Variants in GOLGB1 observed in about 807,000 individuals in gnomAD.
GOLGB1 encodes the protein golgin subfamily B member 1.
A neutral mutation model predicts 336.9 loss-of-function variants in GOLGB1; 174 were observed. The observed-to-expected ratio is 0.52, with a 90% confidence interval of 0.46 to 0.59. The LOEUF (loss-of-function observed/expected upper bound fraction) is 0.59. Among genes scored for constraint, GOLGB1 ranks in the 20% least tolerant of loss-of-function variants. The pLI, the probability that GOLGB1 is intolerant of heterozygous loss-of-function variation, is 0.00. For synonymous variants in GOLGB1, 1,208 were observed against 1,289.2 expected, an observed-to-expected ratio of 0.94 and a Z score of 1.35; for missense variants, 3,331 against 3,645.3, an observed-to-expected ratio of 0.91 and a Z score of 2.22.
intron 10 of GOLGB1, among the ~76,000 whole-genome samples, chr3:121,710,377 T>C (rs1944249791): frequency 6.6e-6 from 1 of 152,070 alleles, no homozygotes; most frequent in South Asian, 2.1e-4. Flanking sequence ...AAAGATATCA[T>C]AAAACAAGAA....
rs748015749 is a variant in GOLGB1 at position 121,695,934 on chromosome 3, C to A, written c.4589G>T (p.Ser1530Ile). 1.2e-6 allele frequency: 2 copies of A among 1,613,778 alleles called. No homozygotes were observed. The highest frequency in any genetic ancestry group is 1.1e-5 in the South Asian group (1 of 90,980). ...TTCTTTATTTTGAGCAGAAACTTGG[C>A]TTTCCACATCTGCCAGAGACTTGGT... ...RLTKSLADVE[S>I]QVSAQNKEKD... Residue 1530 changes from serine to isoleucine, a missense_variant, in exon 13 of 22, where the codon AGC (serine) becomes ATC (isoleucine). Coordinates refer to ENST00000614479, the MANE Select transcript of GOLGB1 (RefSeq NM_001366282.2).
At position 121,663,832 on chromosome 3, in the gene GOLGB1, T is replaced by A. The variant is rs1938230374; in HGVS notation, c.*648A>T. Reference sequence around the variant, plus strand: ...CAAGGGCAAAAGCAAAGGGATTCTATCCTTATAGTCTAAGACCTGAAATTC... The same window carrying A: ...CAAGGGCAAAAGCAAAGGGATTCTAACCTTATAGTCTAAGACCTGAAATTC... On this transcript the variant is annotated 3_prime_UTR_variant, in exon 22 of 22. Coordinates refer to ENST00000614479, the MANE Select transcript of GOLGB1 (RefSeq NM_001366282.2). The A allele has an allele frequency of 6.5e-6, 1 of 153,054 alleles. No individual in the cohort carries two copies. The highest frequency in any genetic ancestry group is 1.5e-5 in the Non-Finnish European group (1 of 68,614). 9.5% of individuals were successfully genotyped at this position (153,054 alleles called of 1,614,324 possible).
At chr3:121,664,889 T>A in intron 21 of GOLGB1, 37 bp downstream of exon 21, 1 of 1,266,098 alleles carries the variant, frequency 7.9e-7, no homozygotes, top group Middle Eastern at 1.8e-4. Context: ...CCCTGTCAGA[T>A]AATAAAACAC....
At chr3:121,666,236 G>T (rs1938592327) in intron 20 of GOLGB1, among the ~76,000 whole-genome samples, 1 of 152,200 alleles carries the variant, frequency 6.6e-6, no homozygotes, top group Non-Finnish European at 1.5e-5. Context: ...TAGGCAGGCA[G>T]CCCTTAATTA....
chr3:121,714,586 T>A (rs1360016653), intron 10 of GOLGB1, among the ~76,000 whole-genome samples: 1 of 152,126 alleles, frequency 6.6e-6, no homozygotes, highest in Non-Finnish European at 1.5e-5. Context: ...TAATGATTCA[T>A]CTCCGATACA....
intron 8 of GOLGB1, 44 bp downstream of exon 8, chr3:121,718,344 A>G: frequency 7.9e-7 from 1 of 1,262,026 alleles, no homozygotes; most frequent in Non-Finnish European, 1.1e-6. Flanking sequence ...GAAAGTGGAA[A>G]TGAATACCCT....
Position 121,696,499 on chromosome 3 carries a change from C to G in GOLGB1, c.4024G>C (p.Glu1342Gln). ...STTSELTKKS[E>Q]EVFQLQEQIN... ...TGCTCTTGTAACTGAAATACCTCTT[C>G]TGATTTTTTAGTAAGCTCACTTGTT... is the stretch of plus-strand genomic sequence containing the variant. The change falls in exon 13 of 22, where the codon GAA becomes CAA. Residue 1342 changes from glutamate (E) to glutamine (Q), a missense_variant. By Grantham distance (29) the Glu-to-Gln change is conservative. Coordinates refer to ENST00000614479, the MANE Select transcript of GOLGB1 (RefSeq NM_001366282.2). 6.2e-7 allele frequency: 1 copy of G among 1,614,128 alleles called. No individual in the cohort carries two copies. The highest frequency in any genetic ancestry group is 8.5e-7 in the Non-Finnish European group (1 of 1,180,004).
chr3:121,725,441 C>T (rs1422316068), intron 5 of GOLGB1, among the ~76,000 whole-genome samples: 1 of 152,206 alleles, frequency 6.6e-6, no homozygotes, highest in Non-Finnish European at 1.5e-5. Flanking sequence ...TCTCTTTCTT[C>T]TTGCCTAGTT....
chr3:121,668,139 A>C lies in GOLGB1; in HGVS notation c.9341T>G (p.Val3114Gly). Residue 3114 changes from valine to glycine, a missense_variant, in exon 19 of 22, where the codon GTT (valine) becomes GGT (glycine). By Grantham distance (109) the Val-to-Gly change is moderately radical. Coordinates refer to ENST00000614479, the MANE Select transcript of GOLGB1 (RefSeq NM_001366282.2). ...ELQAGPLNID[V>G]APGAPQEKNG... Reference sequence around the variant, plus strand: ...CTTTTCCTGGGGAGCTCCTGGAGCAACATCTATATTTAGTGGCCCCTGGAA... The same window carrying C: ...CTTTTCCTGGGGAGCTCCTGGAGCACCATCTATATTTAGTGGCCCCTGGAA... 6.3e-7 allele frequency: 1 copy of C among 1,597,374 alleles called. No homozygotes were observed. The highest frequency in any genetic ancestry group is 8.6e-7 in the Non-Finnish European group (1 of 1,167,726).
intron 9 of GOLGB1, among the ~76,000 whole-genome samples, chr3:121,716,058 C>A: frequency 6.6e-6 from 1 of 151,494 alleles, no homozygotes; most frequent in South Asian, 2.1e-4. Flanking sequence ...AAATTTTCAA[C>A]TTAATTGTTT....
chr3:121,690,939 C>T lies in GOLGB1; in HGVS notation c.8425G>A (p.Glu2809Lys), dbSNP rs201762769. 2.3e-5 allele frequency: 37 copies of T among 1,614,096 alleles called. No individual in the cohort carries two copies. In the East Asian group the frequency reaches 6.0e-4, roughly 26 times the overall value. The stretch of plus-strand genomic sequence containing the variant: ...GATAGGAGCTGTTGGTTAAGTTTCT[C>T]AAGGTGAGACAAGCTATTCTCCTCA... ...STEENSLSHL[E>K]KLNQQLLSKD... Residue 2809 changes from glutamate (E) to lysine (K), a missense_variant, in exon 14 of 22, where the codon GAG (glutamate) becomes AAG (lysine). Coordinates refer to ENST00000614479, the MANE Select transcript of GOLGB1 (RefSeq NM_001366282.2).
At chr3:121,715,992 CA>C (rs55780373) in intron 9 of GOLGB1, among the ~76,000 whole-genome samples, 97,838 of 141,066 alleles carry the variant, frequency 0.69, 33,664 homozygotes, top group East Asian at 0.85. Context: ...AACTCTGTCA[CA>C]AAAAAAAAAA....
rs554425895 is a variant in GOLGB1, at chr3:121,716,908, G to T, written c.1117C>A (p.Gln373Lys). The change falls in exon 9 of 22, where the codon CAG becomes AAG. Residue 373 changes from glutamine to lysine, a missense_variant. Physicochemically the swap from Gln to Lys is moderately conservative, Grantham distance 53. Coordinates refer to ENST00000614479, the MANE Select transcript of GOLGB1 (RefSeq NM_001366282.2). ...ELESRYSALE[Q>K]KHKAEMEEKT... ...TCTTCCATTTCTGCTTTGTGCTTCTGCTCCAAAGCACTATACCGAGACTCT... is the reference window on the plus strand; with the variant it reads ...TCTTCCATTTCTGCTTTGTGCTTCTTCTCCAAAGCACTATACCGAGACTCT... 2.5e-6 allele frequency: 4 copies of T among 1,613,534 alleles called. No homozygotes were observed. Among genetic ancestry groups the T allele is most frequent in the African/African-American group, 2.7e-5 (2 of 74,968 alleles).
intron 18 of GOLGB1, 176 bp from the exon 19 acceptor site, chr3:121,668,334 G>C (rs752713984): frequency 2.3e-6 from 1 of 442,642 alleles, no homozygotes; most frequent in Non-Finnish European, 4.0e-6. Flanking sequence ...CTCTTGTCTT[G>C]ATTAGATTTT....
chr3:121,688,580 G>GA (rs1942034288), intron 14 of GOLGB1, among the ~76,000 whole-genome samples: 1 of 151,992 alleles, frequency 6.6e-6, no homozygotes, highest in African/African-American at 2.4e-5. Context: ...CCAAAGTGCC[G>GA]AGAGTGCAGC....
In GOLGB1 at chr3:121,694,207, A is replaced by G. The variant is rs1458970858; in HGVS notation, c.6316T>C (p.Leu2106=). Reference sequence around the variant, plus strand: ...TTATTTGACTGAAGTTCCTTTTTCAACTTGAGATTGTCTGCTAGGACCCTT... The same window carrying G: ...TTATTTGACTGAAGTTCCTTTTTCAGCTTGAGATTGTCTGCTAGGACCCTT... ...AARVLADNLK[L]KKELQSNKES... is the part of the protein sequence containing the mutation. Residue 2106 remains leucine, a synonymous_variant, in exon 13 of 22, where the codon TTG becomes CTG. Transcript: ENST00000614479. The G allele has an allele frequency of 2.5e-6, 4 of 1,612,230 alleles. No homozygotes were observed. In the South Asian group the frequency reaches 4.4e-5, roughly 18 times the overall value.
chr3:121,702,023 AG>A (rs1404827432), intron 11 of GOLGB1, among the ~76,000 whole-genome samples: 2 of 152,158 alleles, frequency 1.3e-5, no homozygotes, highest in African/African-American at 4.8e-5. Flanking sequence ...GGAAAGGAGC[AG>A]GATTCTAAGC....
In GOLGB1 at chr3:121,690,883, T is replaced by C. The variant is rs1280122615; in HGVS notation, c.8481A>G (p.Ser2827=). 1.9e-6 allele frequency: 3 copies of C among 1,614,192 alleles called. No homozygotes were observed. The East Asian group carries it at 6.7e-5, about 36-fold the overall frequency. Residue 2827 remains serine (S), a synonymous_variant, in exon 14 of 22, where the codon TCA becomes TCG. Coordinates refer to ENST00000614479, the MANE Select transcript of GOLGB1 (RefSeq NM_001366282.2). The part of the protein sequence containing the change: ...SKDEQLLHLS[S]QLEDSYNQVQ... Reference sequence around the variant, plus strand: ...CTTGGTTATAAGAATCTTCTAGTTGTGAGGACAAGTGAAGCAATTGCTCAT... The same window carrying C: ...CTTGGTTATAAGAATCTTCTAGTTGCGAGGACAAGTGAAGCAATTGCTCAT...
chr3:121,735,329 G>T lies in GOLGB1; in HGVS notation c.-2-4356C>A, dbSNP rs912838963. Among the ~76,000 whole-genome samples, 3 of 152,248 alleles carry T rather than the reference G, an allele frequency of 2.0e-5. No homozygotes were observed. In the South Asian group the frequency reaches 6.2e-4, roughly 32 times the overall value. On this transcript the variant is annotated intron_variant, in intron 1 of 21. Transcript: ENST00000614479. ...CAGGATGTCAGGAGTTCCAAAAATGGAATGCAGACTGTGACAAATAGATCT... is the reference window on the plus strand; with the variant it reads ...CAGGATGTCAGGAGTTCCAAAAATGTAATGCAGACTGTGACAAATAGATCT...
Sources: allele counts gnomAD v4.1 joint callset (sites outside exome capture counted in the v4.1 genomes callset), GRCh38; gene constraint gnomAD v4.1.1; transcripts MANE v1.5; gene names NCBI Gene and HGNC (gene_info 2026-07-23, HGNC 2026-07-21).